GSR: variants seen among roughly 807,000 people sequenced by gnomAD.
The protein encoded by GSR is glutathione reductase, mitochondrial.
In GSR, 48 loss-of-function variants were observed where a neutral mutation model predicts 56.5. The observed-to-expected ratio is 0.85, with a 90% CI of 0.67 to 1.08. The LOEUF is 1.08. GSR is among the 50% of genes least tolerant of loss of function. The pLI, the probability that GSR is intolerant of heterozygous loss-of-function variation, is 0.00. For missense variants in GSR, 694 were observed against 703.3 expected (o/e 0.99, Z 0.15); for synonymous variants, 264 against 270.8 (o/e 0.97, Z 0.25).
intron 1 of GSR, among the ~76,000 whole-genome samples, chr8:30,720,727 C>A (rs1804506548): frequency 6.6e-6 from 1 of 151,388 alleles, no homozygotes; most frequent in Non-Finnish European, 1.5e-5. Flanking sequence ...TCAATGGATA[C>A]ATTTGCAAGA....
At chr8:30,682,159 G>A in intron 10 of GSR, 98 bp from the exon 11 acceptor site, 1 of 959,150 alleles carries the variant, frequency 1.0e-6, no homozygotes, top group South Asian at 1.3e-5. Context: ...TAATGCCCTA[G>A]TTCTGACAGT....
intron 11 of GSR, among the ~76,000 whole-genome samples, chr8:30,681,364 T>C (rs1802950515): frequency 2.0e-5 from 3 of 151,798 alleles, no homozygotes; most frequent in African/African-American, 7.3e-5. Flanking sequence ...ACCCCATCTC[T>C]ACAAAAAATT....
At chr8:30,700,722 C>CAAAAAAAAAAA (rs1563535549) in intron 5 of GSR, among the ~76,000 whole-genome samples, 419 of 8,384 alleles carry the variant, frequency 0.05, 29 homozygotes, top group African/African-American at 0.068. Flanking sequence ...GATTTTGTCT[C>CAAAAAAAAAAA]CAAAAAAAAA....
At chr8:30,709,057 T>A (rs1804019010) in intron 3 of GSR, among the ~76,000 whole-genome samples, 1 of 151,796 alleles carries the variant, frequency 6.6e-6, no homozygotes, top group Admixed American at 6.6e-5. Context: ...AATCTTATTC[T>A]GCCTTTAAAA....
At chr8:30,680,826 T>G in intron 12 of GSR, 78 bp downstream of exon 12, 3 of 1,346,890 alleles carry the variant, frequency 2.2e-6, no homozygotes, top group Middle Eastern at 3.6e-4. Context: ...TTGGTCTCCC[T>G]CCTTTCCACC....
At position 30,680,381 on chromosome 8, in the gene GSR, G is replaced by GTTTTGTTT. The variant is rs1480095900; in HGVS notation, c.1419+522_1419+523insAAACAAAA. Among the ~76,000 whole-genome samples, 17 of 33,378 alleles carry GTTTTGTTT rather than the reference G, an allele frequency of 5.1e-4. 1 individual carries two copies. The highest frequency in any genetic ancestry group is 7.5e-4 in the Admixed American group (2 of 2,666). The allele number at this position is 33,378 out of a possible 152,430, so 21.9% of individuals were successfully genotyped here. A position where few individuals can be genotyped will look rare whatever the true frequency, so the allele number is the denominator to read the frequency against. On this transcript the variant is annotated intron_variant, in intron 12 of 12. Transcript: ENST00000221130. ...ACAGCGCCTGGCCCTGGCCTCTCCT[G>GTTTTGTTT]TTTTTTTTTTTTTTTTTTTTTTTTT... is the stretch of plus-strand genomic sequence containing the variant.
intron 4 of GSR, among the ~76,000 whole-genome samples, chr8:30,705,376 C>T (rs1267252992): frequency 1.3e-5 from 2 of 152,102 alleles, no homozygotes; most frequent in Non-Finnish European, 2.9e-5. Context: ...CATTCTCCTG[C>T]CTCAGCCTTC....
intron 5 of GSR, among the ~76,000 whole-genome samples, chr8:30,702,159 T>C (rs994557955): frequency 2.1e-4 from 32 of 151,792 alleles, no homozygotes; most frequent in Admixed American, 1.8e-3. Context: ...CTGTCTCTAC[T>C]AAAGTACATA....
intron 1 of GSR, among the ~76,000 whole-genome samples, chr8:30,722,999 G>C (rs1218271488): frequency 3.3e-5 from 5 of 152,072 alleles, no homozygotes; most frequent in Non-Finnish European, 5.9e-5. Flanking sequence ...ATGAACTTTT[G>C]TCACATGATC....
chr8:30,697,567 G>GCAGTGAGC lies in GSR; in HGVS notation c.696-1096_696-1089dup, dbSNP rs200239789. ...AACTTGTGTCTGGGAGGTGGAGGCT[G>GCAGTGAGC]CAGTGAGCTATGACTATACCACTGC... On this transcript the variant is annotated intron_variant, in intron 6 of 12. Coordinates refer to ENST00000221130, the MANE Select transcript of GSR (RefSeq NM_000637.5). Among the ~76,000 whole-genome samples, 1,311 of 152,288 alleles carry GCAGTGAGC rather than the reference G, an allele frequency of 8.6e-3. 22 individuals are homozygous for GCAGTGAGC. Among genetic ancestry groups the GCAGTGAGC allele is most frequent in the African/African-American group, 0.03 (1,261 of 41,564 alleles).
Position 30,681,039 on chromosome 8 carries a change from T to A in GSR, c.1286-2A>T. On this transcript the variant is annotated splice_acceptor_variant, in intron 11 of 12. Coordinates refer to ENST00000221130, the MANE Select transcript of GSR (RefSeq NM_000637.5). LOFTEE classifies it high-confidence loss of function. ...TTCCATATTTATGAATGGCTTCATC[T>A]ACAATGCACATTAAAAAAAGCATCT... is the stretch of plus-strand genomic sequence containing the variant. 1 of 1,605,750 alleles carries A rather than the reference T, an allele frequency of 6.2e-7. No individual in the cohort carries two copies. Among genetic ancestry groups the A allele is most frequent in the Non-Finnish European group, 8.5e-7 (1 of 1,172,930 alleles).
chr8:30,718,869 C>A (rs1261088992), intron 1 of GSR, among the ~76,000 whole-genome samples: 1 of 151,954 alleles, frequency 6.6e-6, no homozygotes, highest in Non-Finnish European at 1.5e-5. Flanking sequence ...CTTAGCTTCC[C>A]GAGTAGCTGA....
At chr8:30,720,366 TC>T (rs1433289413) in intron 1 of GSR, among the ~76,000 whole-genome samples, 1 of 152,178 alleles carries the variant, frequency 6.6e-6, no homozygotes, top group Non-Finnish European at 1.5e-5. Flanking sequence ...AGTCATAATT[TC>T]CAAGGCAAAA....
intron 7 of GSR, 147 bp from the exon 8 acceptor site, chr8:30,693,202 AAATTCCCT>A (rs1803445175): frequency 1.5e-6 from 1 of 689,074 alleles, no homozygotes; most frequent in African/African-American, 1.8e-5. Context: ...GAGTATTAAT[AAATTCCCT>A]ATTTTCCTAC....
chr8:30,708,958 CA>C (rs769951825), intron 3 of GSR, among the ~76,000 whole-genome samples: 1,942 of 56,652 alleles, frequency 0.034, 24 homozygotes, highest in African/African-American at 0.1. Context: ...GACTCCGTCT[CA>C]AAAAAAAAAA....
At position 30,683,852 on chromosome 8, in the gene GSR, G is replaced by A. The variant is rs889926; in HGVS notation, c.1153+236C>T. Reference sequence around the variant, plus strand: ...TCTGCTCCTAAGAGAGTTCCGCAACGGGTGATCATATTGTCTACATGAAAA... The same window carrying A: ...TCTGCTCCTAAGAGAGTTCCGCAACAGGTGATCATATTGTCTACATGAAAA... On this transcript the variant is annotated intron_variant, in intron 10 of 12. Coordinates refer to ENST00000221130, the MANE Select transcript of GSR (RefSeq NM_000637.5). Among the ~76,000 whole-genome samples the A allele has an allele frequency of 2.8e-3, 420 of 152,062 alleles. 1 individual carries two copies. The highest frequency in any genetic ancestry group is 9.6e-3 in the African/African-American group (400 of 41,484).
rs1210213575 is a variant in GSR, at chr8:30,686,841, G to GTT, written c.1041+2318_1041+2319dup. 2.8e-5 allele frequency among the ~76,000 whole-genome samples: 4 copies of GTT among 144,272 alleles called. No homozygotes were observed. In the East Asian group the frequency reaches 6.0e-4, roughly 22 times the overall value. The allele number at this position is 144,272 out of a possible 152,430, so 94.6% of individuals were successfully genotyped here. ...TGTTTTCTTTTGGTGTTTTTTTTTG[G>GTT]TTTTTTTTTTTTGAGACGGAGTTTT... On this transcript the variant is annotated intron_variant, in intron 9 of 12. Transcript: ENST00000221130.
chr8:30,708,757 T>C (rs1463838939), intron 3 of GSR, among the ~76,000 whole-genome samples: 1 of 149,600 alleles, frequency 6.7e-6, no homozygotes, highest in Non-Finnish European at 1.5e-5. Flanking sequence ...AAGATCGAGA[T>C]CATTCTGGCT....
chr8:30,714,024 T>G (rs953532347), intron 1 of GSR, among the ~76,000 whole-genome samples: 9 of 152,160 alleles, frequency 5.9e-5, no homozygotes. Flanking sequence ...AGTTCTAACA[T>G]ACACTGTTAT....
Sources: gnomAD v4.1 joint callset for allele counts (sites outside exome capture counted in the v4.1 genomes callset) on GRCh38, gnomAD v4.1.1 for gene constraint, MANE v1.5 for transcripts, NCBI Gene and HGNC (gene_info 2026-07-23, HGNC 2026-07-21) for gene names.